ROR2: variants seen among roughly 807,000 people sequenced by gnomAD.
ROR2 encodes tyrosine-protein kinase transmembrane receptor ROR2.
In ROR2, 33 loss-of-function variants were observed where a neutral mutation model predicts 74.9. The observed-to-expected ratio is 0.44, with a 90% CI of 0.33 to 0.59. The LOEUF is 0.59. Ranked by LOEUF, ROR2 falls within the 20% of genes least tolerant of loss-of-function variation. ROR2 has a pLI of 0.02. For missense variants in ROR2, 1,216 were observed against 1,313.8 expected (o/e 0.93, Z 1.15); for synonymous variants, 586 against 558.7 (o/e 1.05, Z -0.69).
At chr9:91,756,344 CTT>C (rs1825749226) in intron 3 of ROR2, among the ~76,000 whole-genome samples, 1 of 152,214 alleles carries the variant, frequency 6.6e-6, no homozygotes, top group East Asian at 1.9e-4. Context: ...TACTCTCTCT[CTT>C]CTCATCTAGT....
intron 1 of ROR2, among the ~76,000 whole-genome samples, chr9:91,814,433 G>A (rs370935172): frequency 6.6e-6 from 1 of 152,080 alleles, no homozygotes; most frequent in African/African-American, 2.4e-5. Context: ...CATCATTCAG[G>A]TGAGACAGGC....
At chr9:91,805,079 C>A (rs1168585165) in intron 1 of ROR2, among the ~76,000 whole-genome samples, 1 of 152,198 alleles carries the variant, frequency 6.6e-6, no homozygotes, top group Non-Finnish European at 1.5e-5. Flanking sequence ...GGCTTCTGGC[C>A]TTCCAAAGCC....
intron 3 of ROR2, among the ~76,000 whole-genome samples, chr9:91,756,514 A>G (rs3824427): frequency 0.033 from 4,958 of 152,084 alleles, 242 homozygotes; most frequent in East Asian, 0.16. Context: ...TGACGAGCAC[A>G]GAGACTCAGA....
At chr9:91,862,847 G>A (rs1829511816) in intron 1 of ROR2, among the ~76,000 whole-genome samples, 1 of 152,168 alleles carries the variant, frequency 6.6e-6, no homozygotes, top group African/African-American at 2.4e-5. Flanking sequence ...TGTTATGGCA[G>A]CCCAAGCTGA....
At chr9:91,799,060 G>A (rs150071494) in intron 1 of ROR2, among the ~76,000 whole-genome samples, 124 of 152,170 alleles carry the variant, frequency 8.1e-4, no homozygotes, top group South Asian at 3.7e-3. Context: ...CATGCCCCTC[G>A]CGCCCTGTCA....
At position 91,792,188 on chromosome 9, in the gene ROR2, A is replaced by G. The variant is rs369000121; in HGVS notation, c.98-16370T>C. ...TACACCTTAAGGAATTAGAGAAGGA[A>G]GAACAAACTAAACCTAAAGCTAGCA... On this transcript the variant is annotated intron_variant, in intron 1 of 8. Transcript: ENST00000375708. Among the ~76,000 whole-genome samples, 184 of 152,372 alleles carry G rather than the reference A, an allele frequency of 1.2e-3. 4 individuals carry two copies. In the South Asian group the frequency reaches 0.029, roughly 24 times the overall value.
Position 91,728,387 on chromosome 9 carries a change from T to C in ROR2, c.1184-1644A>G, listed in dbSNP as rs1837115817. ...TTTTATATGGTTTTCTTAATTCGAA[T>C]GTTGAATGAACTTTATTTTATTTAT... On this transcript the variant is annotated intron_variant, in intron 7 of 8. Transcript: ENST00000375708. Among the ~76,000 whole-genome samples the C allele has an allele frequency of 2.0e-5, 3 of 152,234 alleles. No individual in the cohort carries two copies. In the South Asian group the frequency reaches 6.2e-4, roughly 32 times the overall value.
At chr9:91,793,049 T>C (rs1488760334) in intron 1 of ROR2, among the ~76,000 whole-genome samples, 1 of 152,182 alleles carries the variant, frequency 6.6e-6, no homozygotes, top group African/African-American at 2.4e-5. Flanking sequence ...GGGGATACTT[T>C]CCAACTTATT....
At chr9:91,949,813 G>A in intron 1 of ROR2, 54 bp downstream of exon 1, 2 of 1,163,246 alleles carry the variant, frequency 1.7e-6, no homozygotes, top group Non-Finnish European at 2.5e-6. Flanking sequence ...GGAAGGGCTG[G>A]CCAAGCGAGC....
intron 1 of ROR2, among the ~76,000 whole-genome samples, chr9:91,857,944 T>C (rs1006653457): frequency 6.6e-6 from 1 of 152,124 alleles, no homozygotes; most frequent in Admixed American, 6.5e-5. Context: ...AGGGGTTAAC[T>C]TGGAGAAGGA....
intron 1 of ROR2, among the ~76,000 whole-genome samples, chr9:91,907,550 G>T (rs1420094604): frequency 2.0e-5 from 3 of 152,118 alleles, no homozygotes; most frequent in Non-Finnish European, 4.4e-5. Context: ...TTAAAAGGGG[G>T]ATCAAAATTG....
At chr9:91,776,353 A>G (rs1826419930) in intron 1 of ROR2, among the ~76,000 whole-genome samples, 1 of 152,034 alleles carries the variant, frequency 6.6e-6, no homozygotes, top group African/African-American at 2.4e-5. Flanking sequence ...TTTCACTTCC[A>G]TTCTTCCTAT....
chr9:91,911,933 C>CAAAAAAAAA lies in ROR2; in HGVS notation c.97+37925_97+37933dup, dbSNP rs747087662. On this transcript the variant is annotated intron_variant, in intron 1 of 8. Coordinates refer to ENST00000375708, the MANE Select transcript of ROR2 (RefSeq NM_004560.4). ...CCAGTGTCCATTACCTGAGTCTAAG[C>CAAAAAAAAA]AAAAAAAAAAAAAAAAAAAAACCAC... Among the ~76,000 whole-genome samples the CAAAAAAAAA allele has an allele frequency of 3.7e-3, 282 of 76,260 alleles. 3 individuals carry two copies. The highest frequency in any genetic ancestry group is 5.6e-3 in the African/African-American group (116 of 20,700). The allele number at this position is 76,260 out of a possible 152,430, so 50.0% of individuals were successfully genotyped here. A position where few individuals can be genotyped will look rare whatever the true frequency, so the allele number is the denominator to read the frequency against.
rs1825727310 is a variant in ROR2 at position 91,755,704 on chromosome 9, G to A, written c.494+367C>T. 5.3e-5 allele frequency among the ~76,000 whole-genome samples: 8 copies of A among 152,340 alleles called. No individual in the cohort carries two copies. The South Asian group carries it at 1.7e-3, about 32-fold the overall frequency. ...GGGCACACATTTATTAACTGCAGCT[G>A]GTAGTGCTGGGATTTCAGAGTGAAT... is the stretch of plus-strand genomic sequence containing the variant. On this transcript the variant is annotated intron_variant, in intron 4 of 8. Transcript: ENST00000375708.
chr9:91,908,739 C>T (rs895757126), intron 1 of ROR2, among the ~76,000 whole-genome samples: 1 of 152,152 alleles, frequency 6.6e-6, no homozygotes, highest in Non-Finnish European at 1.5e-5. Flanking sequence ...CCAAAATGAG[C>T]TCCACTGAGA....
rs938703932 is a variant in ROR2, at chr9:91,755,984, T to C, written c.494+87A>G. ...ACTTCTAGCAAATTCGGCAAAGACA[T>C]GAGCTGGCAGGATTTAAACCCCGGA... On this transcript the variant is annotated intron_variant, in intron 4 of 8. Transcript: ENST00000375708. 1.0e-5 allele frequency: 15 copies of C among 1,443,184 alleles called. No individual in the cohort carries two copies. In the African/African-American group the frequency reaches 1.1e-4, roughly 11 times the overall value. 89.4% of individuals were successfully genotyped at this position (1,443,184 alleles called of 1,614,324 possible). A position where few individuals can be genotyped will look rare whatever the true frequency, so the allele number is the denominator to read the frequency against.
In ROR2 at chr9:91,757,393, T is replaced by G. The variant is rs1206679807; in HGVS notation, c.342A>C (p.Thr114=). 1 of 1,613,996 alleles carries G rather than the reference T, an allele frequency of 6.2e-7. No individual in the cohort carries two copies. Among genetic ancestry groups the G allele is most frequent in the East Asian group, 2.2e-5 (1 of 44,850 alleles). The change falls in exon 3 of 9, where the codon ACA becomes ACC. Residue 114 remains threonine (T), a synonymous_variant. Transcript: ENST00000375708. ...GGATTCGCAGTCGTGAACCATATTC[T>G]GTCTTCCGGATGATGATCCGCCGCG... The part of the protein sequence containing the change: ...QEPRRIIIRK[T]EYGSRLRIQD...
chr9:91,924,939 G>A (rs1170565290), intron 1 of ROR2, among the ~76,000 whole-genome samples: 7 of 152,230 alleles, frequency 4.6e-5, no homozygotes, highest in Non-Finnish European at 1.0e-4. Flanking sequence ...CAACCTCCCA[G>A]GCTCAAGCAA....
In ROR2 at chr9:91,723,527, C is replaced by A. The variant is rs774621355; in HGVS notation, c.*135G>T. On this transcript the variant is annotated 3_prime_UTR_variant, in exon 9 of 9. Coordinates refer to ENST00000375708, the MANE Select transcript of ROR2 (RefSeq NM_004560.4). ...GACAGAGAGGAGCAGGGCTCCACCT[C>A]ACCCAGTCTGCAAACAAGCCCACTG... is the stretch of plus-strand genomic sequence containing the variant. 2.3e-4 allele frequency: 303 copies of A among 1,343,734 alleles called. 1 individual carries two copies. The highest frequency in any genetic ancestry group is 4.6e-4 in the Admixed American group (23 of 49,468). The allele number at this position is 1,343,734 out of a possible 1,614,324, so 83.2% of individuals were successfully genotyped here. A position where few individuals can be genotyped will look rare whatever the true frequency, so the allele number is the denominator to read the frequency against.
Sources: gnomAD v4.1 joint callset for allele counts (sites outside exome capture counted in the v4.1 genomes callset) on GRCh38, gnomAD v4.1.1 for gene constraint, MANE v1.5 for transcripts, NCBI Gene and HGNC (gene_info 2026-07-23, HGNC 2026-07-21) for gene names.